The following INTS2 variants were observed in gnomAD, a reference collection of about 807,000 sequenced individuals.
INTS2 encodes the protein KIAA1287.
Under a neutral mutation model 139.6 loss-of-function variants are expected in INTS2, and 57 were observed. That is an observed-to-expected ratio of 0.41 (90% CI 0.33 to 0.51). The LOEUF (loss-of-function observed/expected upper bound fraction) is 0.51, where lower values mean the gene tolerates loss of function less well. Ranked by LOEUF, INTS2 falls within the 20% of genes least tolerant of loss-of-function variation. INTS2 has a pLI of 0.28. For synonymous variants in INTS2, 473 were observed against 493.4 expected (o/e 0.96, Z 0.55); for missense variants, 1,196 against 1,436.7 (o/e 0.83, Z 2.71).
rs761260902 is a variant in INTS2 at position 61,869,723 on chromosome 17, C to G, written c.3030+14G>C. ...TAAAGTTCAAACACAAAGCATCATT[C>G]TTTGGAAACAGACCTGAAAGTGAAC... On this transcript the variant is annotated intron_variant, in intron 21 of 24. Transcript: ENST00000251334. The surrounding 1 kb of genome is among the most constrained non-coding windows in gnomAD (Gnocchi z 5.4). The G allele has an allele frequency of 9.3e-6, 15 of 1,609,938 alleles. No individual in the cohort carries two copies. The Admixed American group carries it at 2.5e-4, about 27-fold the overall frequency.
chr17:61,881,843 T>C (rs962829617), intron 16 of INTS2, among the ~76,000 whole-genome samples: 2 of 152,178 alleles, frequency 1.3e-5, no homozygotes, highest in Non-Finnish European at 2.9e-5. Flanking sequence ...GAACTACTAC[T>C]TATAAAGAAA....
At position 61,927,982 on chromosome 17, in the gene INTS2, T is replaced by G. The variant is rs1470633896; in HGVS notation, c.-347A>C. The G allele has an allele frequency of 6.2e-7, 1 of 1,612,010 alleles. No individual in the cohort carries two copies. Among genetic ancestry groups the G allele is most frequent in the East Asian group, 2.2e-5 (1 of 44,870 alleles). On this transcript the variant is annotated 5_prime_UTR_variant, in exon 1 of 25. Coordinates refer to ENST00000251334, the MANE Select transcript of INTS2 (RefSeq NM_001351695.2). ...ACTCCCGTCGGCCACCGTACTGGTC[T>G]GAGAGGAAGGGTGGCTGCGAGAGGA...
chr17:61,865,678 T>G lies in INTS2; in HGVS notation c.*1879A>C, dbSNP rs1323078462. The G allele has an allele frequency of 6.6e-6, 1 of 152,246 alleles. No individual in the cohort carries two copies. The highest frequency in any genetic ancestry group is 1.5e-5 in the Non-Finnish European group (1 of 68,002). The allele number at this position is 152,246 out of a possible 1,614,324, so 9.4% of individuals were successfully genotyped here. On this transcript the variant is annotated 3_prime_UTR_variant, in exon 25 of 25. Coordinates refer to ENST00000251334, the MANE Select transcript of INTS2 (RefSeq NM_001351695.2). This position sits in a 1 kb window ranked among gnomAD's most constrained non-coding sequence, Gnocchi z 4.8. ...TTTCTGAACTCCTAGGGCATATCTA[T>G]TCACACAAAATATCGCAAGGCCTCA...
At chr17:61,901,573 A>ATTTTTTTTTTTTT (rs1477309662) in intron 9 of INTS2, among the ~76,000 whole-genome samples, 1 of 80,166 alleles carries the variant, frequency 1.2e-5, no homozygotes. Context: ...AGGCAGAATG[A>ATTTTTTTTTTTTT]TTTCTTTTTT....
chr17:61,911,422 C>A (rs1207722294), intron 7 of INTS2, 98 bp downstream of exon 7: 9 of 1,029,296 alleles, frequency 8.7e-6, no homozygotes. Flanking sequence ...AGTGTGAGAA[C>A]CACTTGTCTA....
intron 6 of INTS2, 120 bp from the exon 7 acceptor site, chr17:61,911,813 A>G (rs2079529463): frequency 5.0e-6 from 7 of 1,413,882 alleles, no homozygotes; most frequent in Non-Finnish European, 6.7e-6. Flanking sequence ...AAAAACCCAG[A>G]GAGGAAGGTA....
chr17:61,895,976 T>C (rs2079343714), intron 11 of INTS2, among the ~76,000 whole-genome samples: 1 of 152,126 alleles, frequency 6.6e-6, no homozygotes, highest in Admixed American at 6.5e-5. Flanking sequence ...GTGCAGTGGT[T>C]CACGCCTGTA....
At chr17:61,890,655 A>AATC (rs1054439210) in intron 14 of INTS2, among the ~76,000 whole-genome samples, 1 of 151,426 alleles carries the variant, frequency 6.6e-6, no homozygotes, top group African/African-American at 2.4e-5. Context: ...GGTGTATCTT[A>AATC]GATTCCCAGG....
intron 17 of INTS2, among the ~76,000 whole-genome samples, chr17:61,879,189 A>G (rs2079156118): frequency 6.8e-6 from 1 of 147,440 alleles, no homozygotes; most frequent in Non-Finnish European, 1.5e-5. Context: ...CAAGGTGCTG[A>G]GATAACAGGC....
chr17:61,884,905 C>G lies in INTS2; in HGVS notation c.2085G>C (p.Leu695Phe), dbSNP rs1397950301. 1 of 1,593,274 alleles carries G rather than the reference C, an allele frequency of 6.3e-7. No individual in the cohort carries two copies. The highest frequency in any genetic ancestry group is 8.6e-7 in the Non-Finnish European group (1 of 1,166,488). The change falls in exon 16 of 25, where the codon TTG becomes TTC. Residue 695 changes from leucine to phenylalanine, a missense_variant. By Grantham distance (22) the Leu-to-Phe change is conservative. Around this residue, in one of 3 missense-constraint regions of INTS2, gnomAD observed 1,129 missense variants for 1,341.9 expected, o/e 0.84. Transcript: ENST00000251334. Reference sequence around the variant, plus strand: ...AAAAAGCAAAATAAAACATACCTCCCAACTCCTGCTGCAGCCCTTGAGCCT... The same window carrying G: ...AAAAAGCAAAATAAAACATACCTCCGAACTCCTGCTGCAGCCCTTGAGCCT... Reference protein sequence around the residue: ...IRQAQGLQQELGGLHSALLRL... With the variant: ...IRQAQGLQQEFGGLHSALLRL...
rs751314445 is a variant in INTS2 at position 61,907,629 on chromosome 17, T to G, written c.960A>C (p.Lys320Asn). The change falls in exon 8 of 25, where the codon AAA becomes AAC. Residue 320 changes from lysine to asparagine, a missense_variant. Physicochemically the swap from Lys to Asn is moderately conservative, Grantham distance 94. Coordinates refer to ENST00000251334, the MANE Select transcript of INTS2 (RefSeq NM_001351695.2). ...AAAGGACAGAACTGCTGGTCTCTCT[T>G]TTTCTCTGAAAGAAATATGGATCAC... ...GTFIRNGQQRKRETSSSVLWQ... is the reference protein window; with the variant it reads ...GTFIRNGQQRNRETSSSVLWQ... 7.0e-6 allele frequency: 11 copies of G among 1,574,926 alleles called. No homozygotes were observed. The Admixed American group carries it at 2.0e-4, about 29-fold the overall frequency.
intron 9 of INTS2, among the ~76,000 whole-genome samples, chr17:61,901,615 T>TTTC (rs1567906419): frequency 2.7e-5 from 3 of 110,900 alleles, no homozygotes; most frequent in Non-Finnish European, 5.6e-5. Context: ...TTTTTTTTTT[T>TTTC]CTGAGATGCA....
Position 61,898,506 on chromosome 17 carries a change from G to C in INTS2, c.1308-767C>G, listed in dbSNP as rs571127901. 2.0e-5 allele frequency among the ~76,000 whole-genome samples: 3 copies of C among 152,232 alleles called. No homozygotes were observed. In the South Asian group the frequency reaches 6.2e-4, roughly 32 times the overall value. The stretch of plus-strand genomic sequence containing the variant: ...AGGGGAGGTCTCACTATGTTGCCCA[G>C]TCTGGTCTTGAACTCTCGAGCTCAA... On this transcript the variant is annotated intron_variant, in intron 9 of 24. Coordinates refer to ENST00000251334, the MANE Select transcript of INTS2 (RefSeq NM_001351695.2).
In INTS2 at chr17:61,888,550, CGT is replaced by C. The variant is rs1254835230; in HGVS notation, c.1984+1234_1984+1235del. On this transcript the variant is annotated intron_variant, in intron 15 of 24. Transcript: ENST00000251334. ...CCATTTCAGTGACATTCTCTGTGTG[CGT>C]GTGTGTGCGTGCGTGTGTGTGTGTG... is the stretch of plus-strand genomic sequence containing the variant. Among the ~76,000 whole-genome samples the C allele has an allele frequency of 6.8e-5, 9 of 132,034 alleles. No individual in the cohort carries two copies. In the South Asian group the frequency reaches 1.2e-3, roughly 17 times the overall value. The allele number at this position is 132,034 out of a possible 152,430, so 86.6% of individuals were successfully genotyped here. A position where few individuals can be genotyped will look rare whatever the true frequency, so the allele number is the denominator to read the frequency against.
intron 9 of INTS2, among the ~76,000 whole-genome samples, chr17:61,899,576 T>C (rs576634370): frequency 1.3e-5 from 2 of 152,024 alleles, no homozygotes; most frequent in South Asian, 2.1e-4. Flanking sequence ...TTTAAGTATC[T>C]TTCTAAACAT....
In INTS2 at chr17:61,869,070, G is replaced by C. The variant is rs754794065; in HGVS notation, c.3208C>G (p.Arg1070Gly). Residue 1070 changes from arginine to glycine, a missense_variant, in exon 23 of 25, where the codon CGT becomes GGT. Arg to Gly is a moderately radical substitution (Grantham distance 125). This residue lies in a region of INTS2 where 1,129 missense variants were observed against 1,341.9 expected (regional missense o/e 0.84). Transcript: ENST00000251334. This position sits in a 1 kb window ranked among gnomAD's most constrained non-coding sequence, Gnocchi z 5.4. ...GTTCCCATGACATTGACAGCTAAAC[G>C]AGCCACACTAAGTGACTTTGGTAAT... ...YALPKSLSVA[R>G]LAVNVMGTLL... The C allele has an allele frequency of 3.7e-6, 6 of 1,612,140 alleles. No individual in the cohort carries two copies. The highest frequency in any genetic ancestry group is 5.1e-6 in the Non-Finnish European group (6 of 1,178,556).
rs1024355506 is a variant in INTS2, at chr17:61,882,138, G to A, written c.2090-967C>T. On this transcript the variant is annotated intron_variant, in intron 16 of 24. Transcript: ENST00000251334. The surrounding 1 kb of genome is among the most constrained non-coding windows in gnomAD (Gnocchi z 4.7). ...GAAAGGTCTCAGGTACTTTATGTAC[G>A]TTTTCTCATCTCTCCCTAACATTCA... Among the ~76,000 whole-genome samples, 6 of 152,084 alleles carry A rather than the reference G, an allele frequency of 3.9e-5. No homozygotes were observed. Among genetic ancestry groups the A allele is most frequent in the Admixed American group, 6.5e-5 (1 of 15,270 alleles).
At chr17:61,894,111 A>AACATAGAT (rs1256649670) in intron 12 of INTS2, 9 of 358,914 alleles carry the variant, frequency 2.5e-5, no homozygotes, top group Admixed American at 1.3e-4. Context: ...TTTGTTTATA[A>AACATAGAT]ACATAGATAC....
At chr17:61,901,260 C>A (rs918077094) in intron 9 of INTS2, among the ~76,000 whole-genome samples, 11 of 151,088 alleles carry the variant, frequency 7.3e-5, no homozygotes, top group Non-Finnish European at 1.3e-4. Context: ...AGAGAGAGCC[C>A]CCATCTCTAA....
Sources: gnomAD v4.1 joint callset for allele counts (sites outside exome capture counted in the v4.1 genomes callset) on GRCh38, gnomAD v4.1.1 for gene constraint, gnomAD v4.1.1 regional missense constraint, Gnocchi (gnomAD v3.1) non-coding constraint, MANE v1.5 for transcripts, NCBI Gene and HGNC (gene_info 2026-07-23, HGNC 2026-07-21) for gene names.